Variants in KAZN observed in about 807,000 individuals in gnomAD.
The protein encoded by KAZN is kazrin.
KAZN carries 40 observed loss-of-function variants against 87.4 expected under a neutral mutation model. The ratio of observed to expected loss-of-function variants is 0.46; its 90% CI spans 0.36 to 0.60. The LOEUF (loss-of-function observed/expected upper bound fraction) is 0.60, where lower values mean the gene tolerates loss of function less well. Ranked by LOEUF, KAZN falls within the 20% of genes least tolerant of loss-of-function variation. The pLI is 0.00. For missense variants in KAZN, 898 were observed against 1,073.9 expected (o/e 0.84, Z 2.29); for synonymous variants, 466 against 458.3 (o/e 1.02, Z -0.22).
At chr1:14,591,196 C>T (rs1240975645) in intron 2 of KAZN, among the ~76,000 whole-genome samples, 1 of 151,976 alleles carries the variant, frequency 6.6e-6, no homozygotes, top group Non-Finnish European at 1.5e-5. Context: ...ACACAGCCAC[C>T]GCATGAGAGG....
At chr1:14,762,757 CTA>C (rs1175425218) in intron 1 of KAZN, among the ~76,000 whole-genome samples, 4 of 151,716 alleles carry the variant, frequency 2.6e-5, no homozygotes, top group Non-Finnish European at 5.9e-5. Context: ...AGAGAAGCAA[CTA>C]AGTTCAGATG....
At chr1:15,093,740 C>T (rs768186804) in intron 8 of KAZN, among the ~76,000 whole-genome samples, 36 of 152,176 alleles carry the variant, frequency 2.4e-4, no homozygotes, top group Middle Eastern at 3.4e-3. Flanking sequence ...AACAGAAATG[C>T]TTTAGGGTAA....
At chr1:14,153,023 C>CTG (rs1300148633) in intron 1 of KAZN, among the ~76,000 whole-genome samples, 1 of 152,066 alleles carries the variant, frequency 6.6e-6, no homozygotes, top group East Asian at 1.9e-4. Flanking sequence ...ATCTTTCGCC[C>CTG]ACTTAAAAAT....
intron 1 of KAZN, among the ~76,000 whole-genome samples, chr1:14,940,326 A>G (rs1557642004): frequency 6.6e-6 from 1 of 152,216 alleles, no homozygotes; most frequent in Non-Finnish European, 1.5e-5. Context: ...CGTTTTAAGC[A>G]TTCACTCACT....
chr1:14,686,439 C>CAGAT (rs1331496578), intron 1 of KAZN, among the ~76,000 whole-genome samples: 1 of 152,240 alleles, frequency 6.6e-6, no homozygotes, highest in Non-Finnish European at 1.5e-5. Flanking sequence ...GGATTCAAGG[C>CAGAT]AGATATATGT....
intron 2 of KAZN, among the ~76,000 whole-genome samples, chr1:15,025,106 G>A (rs1338886340): frequency 1.3e-5 from 2 of 152,194 alleles, no homozygotes; most frequent in Non-Finnish European, 2.9e-5. Flanking sequence ...AGGCACTGCT[G>A]TCGTTGTGGA....
intron 1 of KAZN, among the ~76,000 whole-genome samples, chr1:14,663,448 C>T (rs953234489): frequency 2.6e-5 from 4 of 152,168 alleles, no homozygotes; most frequent in African/African-American, 9.7e-5. Flanking sequence ...CGATTGCCAG[C>T]TATCCCTTCT....
At chr1:15,033,399 T>C (rs1573121548) in intron 2 of KAZN, among the ~76,000 whole-genome samples, 1 of 152,264 alleles carries the variant, frequency 6.6e-6, no homozygotes. Context: ...AGTTTTTGTG[T>C]AGACATATGT....
chr1:13,926,535 A>T (rs969134246), intron 1 of KAZN, among the ~76,000 whole-genome samples: 11 of 152,096 alleles, frequency 7.2e-5, no homozygotes, highest in African/African-American at 2.7e-4. Flanking sequence ...AAAGGCATGT[A>T]CACGTGTAGC....
At chr1:14,944,946 C>T (rs1002182466) in intron 1 of KAZN, among the ~76,000 whole-genome samples, 6 of 152,154 alleles carry the variant, frequency 3.9e-5, no homozygotes, top group African/African-American at 1.2e-4. Flanking sequence ...GAGTTACATT[C>T]GTTGGGTTTT....
chr1:14,012,114 T>C lies in KAZN; in HGVS notation c.91+118358T>C, dbSNP rs1014977275. Among the ~76,000 whole-genome samples the C allele has an allele frequency of 3.9e-5, 6 of 152,164 alleles. No individual in the cohort carries two copies. The South Asian group carries it at 6.2e-4, about 16-fold the overall frequency. On this transcript the variant is annotated intron_variant, in intron 1 of 16. Transcript: ENST00000636203. ...TTCATGTAAGTGAGAGACCTGACTGTAGGACTTTTTTGTATGGTTGAATCT... is the reference window on the plus strand; with the variant it reads ...TTCATGTAAGTGAGAGACCTGACTGCAGGACTTTTTTGTATGGTTGAATCT...
At chr1:14,726,182 C>T (rs1333343696) in intron 1 of KAZN, among the ~76,000 whole-genome samples, 1 of 152,176 alleles carries the variant, frequency 6.6e-6, no homozygotes, top group East Asian at 1.9e-4. Context: ...TCCAAAAGGG[C>T]CTATGACAAG....
At chr1:13,930,129 G>A (rs1640451811) in intron 1 of KAZN, among the ~76,000 whole-genome samples, 1 of 152,158 alleles carries the variant, frequency 6.6e-6, no homozygotes, top group Non-Finnish European at 1.5e-5. Context: ...GGAACATCCT[G>A]CCCCCTCTTC....
At position 13,959,286 on chromosome 1, in the gene KAZN, A is replaced by G. The variant is rs143378017; in HGVS notation, c.91+65530A>G. On this transcript the variant is annotated intron_variant, in intron 1 of 16. Transcript: ENST00000636203. ...CCACCACCTTGATCTTAGACTTCCC[A>G]GCCTCCAGAGCTGTTGTTTATAAGC... Among the ~76,000 whole-genome samples, 11 of 152,286 alleles carry G rather than the reference A, an allele frequency of 7.2e-5. 1 individual carries two copies. The East Asian group carries it at 2.1e-3, about 29-fold the overall frequency.
chr1:14,924,120 C>G (rs1487687260), intron 1 of KAZN: 2 of 982,288 alleles, frequency 2.0e-6, no homozygotes, highest in Non-Finnish European at 2.4e-6. Context: ...GGAGGAGCCG[C>G]GGGACTGAGA....
Position 14,168,400 on chromosome 1 carries a change from G to A in KAZN, c.92-12035G>A, listed in dbSNP as rs150325205. 6.6e-3 allele frequency among the ~76,000 whole-genome samples: 998 copies of A among 152,292 alleles called. 14 individuals carry two copies. Among genetic ancestry groups the A allele is most frequent in the Non-Finnish European group, 8.7e-3 (594 of 68,034 alleles). On this transcript the variant is annotated intron_variant, in intron 1 of 16. Transcript: ENST00000636203. The stretch of plus-strand genomic sequence containing the variant: ...AGTTCTTTACGGAGTTCTGGGATGC[G>A]CAGAGGGAGACGCTGAATGTGAAAG...
At chr1:14,779,158 C>T (rs1462160738) in intron 1 of KAZN, among the ~76,000 whole-genome samples, 2 of 152,184 alleles carry the variant, frequency 1.3e-5, no homozygotes, top group East Asian at 3.9e-4. Context: ...TCAGGAAATC[C>T]CTCCACCTCT....
At chr1:14,248,548 C>T (rs1649723891) in intron 2 of KAZN, among the ~76,000 whole-genome samples, 1 of 152,176 alleles carries the variant, frequency 6.6e-6, no homozygotes, top group South Asian at 2.1e-4. Context: ...AAATGCTTCT[C>T]ATGGAGGTGG....
chr1:14,403,946 G>C (rs989463900), intron 2 of KAZN, among the ~76,000 whole-genome samples: 2 of 151,928 alleles, frequency 1.3e-5, no homozygotes, highest in African/African-American at 4.8e-5. Flanking sequence ...GAGAGGTCCC[G>C]GAGAAAATGG....
Sources: allele counts gnomAD v4.1 joint callset (sites outside exome capture counted in the v4.1 genomes callset), GRCh38; gene constraint gnomAD v4.1.1; transcripts MANE v1.5; gene names NCBI Gene and HGNC (gene_info 2026-07-23, HGNC 2026-07-21).